Variants in PLCH1 observed in about 807,000 individuals in gnomAD.
PLCH1 encodes the protein phospholipase C eta 1.
PLCH1 carries 60 observed loss-of-function variants against 126.7 expected under a neutral mutation model. That is an observed-to-expected ratio of 0.47 (90% CI 0.38 to 0.59). The LOEUF (loss-of-function observed/expected upper bound fraction) is 0.59. Ranked by LOEUF, PLCH1 falls within the 20% of genes least tolerant of loss-of-function variation. The pLI is 0.00. For missense variants in PLCH1, 1,723 were observed against 2,040.0 expected (o/e 0.84, Z 2.99); for synonymous variants, 719 against 734.9 (o/e 0.98, Z 0.35).
intron 21 of PLCH1, among the ~76,000 whole-genome samples, chr3:155,462,652 T>G (rs558588324): frequency 6.6e-6 from 1 of 152,308 alleles, no homozygotes; most frequent in East Asian, 1.9e-4. Flanking sequence ...ACCCAGGTTA[T>G]GTATCACACC....
chr3:155,567,405 T>G (rs1227985833), intron 7 of PLCH1, among the ~76,000 whole-genome samples: 1 of 152,110 alleles, frequency 6.6e-6, no homozygotes, highest in African/African-American at 2.4e-5. Flanking sequence ...CCTCTTCACT[T>G]TAATTACCTA....
At chr3:155,628,368 A>AAAAC (rs1737612894) in intron 2 of PLCH1, among the ~76,000 whole-genome samples, 1 of 151,410 alleles carries the variant, frequency 6.6e-6, no homozygotes, top group Admixed American at 6.6e-5. Context: ...AAAAAAAAAA[A>AAAAC]AAAAAAAAAT....
At chr3:155,531,896 C>G (rs907321076) in intron 10 of PLCH1, among the ~76,000 whole-genome samples, 2 of 152,180 alleles carry the variant, frequency 1.3e-5, no homozygotes, top group African/African-American at 4.8e-5. Flanking sequence ...AATGTTGTAG[C>G]TGGTTTGATC....
chr3:155,549,872 T>C lies in PLCH1; in HGVS notation c.1277A>G (p.Asp426Gly), dbSNP rs759753125. ...ATCAACAGATGACAGGTCCAGTTTG[T>C]CTCCGAATATTCCTTTCAGGTACTG... ...IAQYLKGIFG[D>G]KLDLSSVDTG... Residue 426 changes from aspartate (D) to glycine (G), a missense_variant, in exon 10 of 23, where the codon GAC becomes GGC. Asp to Gly is a moderately conservative substitution (Grantham distance 94). This residue lies in a region of PLCH1 where 776 missense variants were observed against 1,062.9 expected (regional missense o/e 0.73). Transcript: ENST00000460012. 19 of 1,613,710 alleles carry C rather than the reference T, an allele frequency of 1.2e-5. No homozygotes were observed. The highest frequency in any genetic ancestry group is 1.7e-5 in the Admixed American group (1 of 59,980).
At chr3:155,538,146 A>G (rs768478825) in intron 10 of PLCH1, among the ~76,000 whole-genome samples, 9 of 152,228 alleles carry the variant, frequency 5.9e-5, no homozygotes, top group Non-Finnish European at 1.2e-4. Context: ...CTCCTGAATA[A>G]TTGTTGCGTC....
intron 8 of PLCH1, among the ~76,000 whole-genome samples, chr3:155,560,176 A>C (rs1222628866): frequency 6.6e-6 from 1 of 152,148 alleles, no homozygotes; most frequent in Non-Finnish European, 1.5e-5. Flanking sequence ...CACTTCATGG[A>C]GTCACTAAAA....
intron 1 of PLCH1, among the ~76,000 whole-genome samples, chr3:155,743,894 T>C (rs564921170): frequency 1.3e-5 from 2 of 152,320 alleles, no homozygotes; most frequent in African/African-American, 4.8e-5. Flanking sequence ...AATGTTTTAT[T>C]CGTCTCCCCT....
chr3:155,514,978 C>T, intron 11 of PLCH1, 94 bp from the exon 12 acceptor site: 1 of 745,124 alleles, frequency 1.3e-6, no homozygotes, highest in Non-Finnish European at 2.0e-6. Flanking sequence ...TCTATAATTT[C>T]ACTTCTCTCA....
intron 6 of PLCH1, 26 bp downstream of exon 6, chr3:155,583,446 C>T: frequency 6.5e-7 from 1 of 1,537,606 alleles, no homozygotes; most frequent in Non-Finnish European, 8.8e-7. Context: ...TTTAAGTAAA[C>T]TTTCATTTTA....
intron 15 of PLCH1, among the ~76,000 whole-genome samples, chr3:155,495,213 A>G (rs4680185): frequency 0.42 from 63,487 of 151,968 alleles, 17,665 homozygotes; most frequent in African/African-American, 0.79. Flanking sequence ...AAAGTAAAGG[A>G]AGGTAAAAGT....
intron 3 of PLCH1, among the ~76,000 whole-genome samples, chr3:155,594,548 G>A (rs892585924): frequency 1.4e-4 from 22 of 152,124 alleles, no homozygotes; most frequent in Non-Finnish European, 2.5e-4. Context: ...ACAACAGCCT[G>A]GGTGACAGAG....
chr3:155,696,456 C>A lies in PLCH1; in HGVS notation c.79+7690G>T, dbSNP rs79747500. Among the ~76,000 whole-genome samples the A allele has an allele frequency of 2.3e-3, 353 of 152,164 alleles. 1 individual carries two copies. The highest frequency in any genetic ancestry group is 6.8e-3 in the Middle Eastern group (2 of 292). ...AACAATTATGTTGCCCTAGAAGAAC[C>A]CTGAATCTACTCATGGAAAGATTTT... is the stretch of plus-strand genomic sequence containing the variant. On this transcript the variant is annotated intron_variant, in intron 2 of 22. Transcript: ENST00000460012.
chr3:155,529,783 TGAGATGCA>T (rs1213813774), intron 10 of PLCH1, among the ~76,000 whole-genome samples: 1 of 152,090 alleles, frequency 6.6e-6, no homozygotes, highest in African/African-American at 2.4e-5. Context: ...TGTTTTGTTT[TGAGATGCA>T]GTTTTGCTCT....
chr3:155,494,592 A>G (rs1265555567), intron 15 of PLCH1, 75 bp from the exon 16 acceptor site: 1 of 1,175,882 alleles, frequency 8.5e-7, no homozygotes, highest in Non-Finnish European at 1.2e-6. Context: ...AGACTTTATA[A>G]TAATGTCAGA....
intron 2 of PLCH1, among the ~76,000 whole-genome samples, chr3:155,694,136 T>A (rs1745629389): frequency 6.6e-6 from 1 of 152,128 alleles, no homozygotes; most frequent in Non-Finnish European, 1.5e-5. Flanking sequence ...ATTATCAAAT[T>A]CATGAATTCA....
rs1401239277 is a variant in PLCH1, at chr3:155,554,152, C to T, written c.1114G>A (p.Gly372Ser). 4 of 1,613,756 alleles carry T rather than the reference C, an allele frequency of 2.5e-6. No individual in the cohort carries two copies. Among genetic ancestry groups the T allele is most frequent in the African/African-American group, 1.3e-5 (1 of 75,030 alleles). The part of the protein sequence containing the change: ...GPDGEPVVHH[G>S]YTLTSKILFR... ...AGAATTTTTGAAGTGAGAGTGTAACCATGATGTACTACTGGCTCTCCATCT... is the reference window on the plus strand; with the variant it reads ...AGAATTTTTGAAGTGAGAGTGTAACTATGATGTACTACTGGCTCTCCATCT... The change falls in exon 9 of 23, where the codon GGT becomes AGT. Residue 372 changes from glycine to serine, a missense_variant. Coordinates refer to ENST00000460012, the MANE Select transcript of PLCH1 (RefSeq NM_014996.4).
chr3:155,574,946 C>A (rs558412863), intron 6 of PLCH1, among the ~76,000 whole-genome samples: 4 of 151,964 alleles, frequency 2.6e-5, no homozygotes, highest in Admixed American at 6.6e-5. Context: ...GCCTTGCCAA[C>A]GTGGTGAAAC....
chr3:155,481,680 G>C lies in PLCH1; in HGVS notation c.4346C>G (p.Thr1449Ser). 1.9e-6 allele frequency: 3 copies of C among 1,614,132 alleles called. No homozygotes were observed. The highest frequency in any genetic ancestry group is 3.3e-5 in the Admixed American group (2 of 60,024). Reference protein sequence around the residue: ...FSDSDAKMFQTCVPQQSSAQD... With the variant: ...FSDSDAKMFQSCVPQQSSAQD... ...AGCACTAGATTGCTGGGGCACACAG[G>C]TCTGGAACATTTTTGCATCTGAATC... is the stretch of plus-strand genomic sequence containing the variant. Residue 1449 changes from threonine to serine, a missense_variant, in exon 23 of 23, where the codon ACC (threonine) becomes AGC (serine). Coordinates refer to ENST00000460012, the MANE Select transcript of PLCH1 (RefSeq NM_014996.4). This position sits in a 1 kb window ranked among gnomAD's most constrained non-coding sequence, Gnocchi z 4.2.
chr3:155,673,016 T>A (rs1051063259), intron 2 of PLCH1, among the ~76,000 whole-genome samples: 4 of 151,742 alleles, frequency 2.6e-5, no homozygotes, highest in Non-Finnish European at 5.9e-5. Context: ...CAAATCTGAT[T>A]ATTCTCTCCC....
Sources: gnomAD v4.1 joint callset for allele counts (sites outside exome capture counted in the v4.1 genomes callset) on GRCh38, gnomAD v4.1.1 for gene constraint, gnomAD v4.1.1 regional missense constraint, Gnocchi (gnomAD v3.1) non-coding constraint, MANE v1.5 for transcripts, NCBI Gene and HGNC (gene_info 2026-07-23, HGNC 2026-07-21) for gene names.